Variants in SIPA1L3 observed in about 807,000 individuals in gnomAD.
SIPA1L3 encodes signal-induced proliferation-associated 1-like protein 3.
A neutral mutation model predicts 150.1 loss-of-function variants in SIPA1L3; 59 were observed. The observed-to-expected ratio is 0.39, with a 90% CI of 0.32 to 0.49. SIPA1L3 has a LOEUF of 0.49. Ranked by LOEUF, SIPA1L3 falls within the 20% of genes least tolerant of loss-of-function variation. SIPA1L3 has a pLI of 0.86. For synonymous variants in SIPA1L3, 1,070 were observed against 1,077.6 expected (o/e 0.99, Z 0.14); for missense variants, 2,211 against 2,489.5 (o/e 0.89, Z 2.38).
At chr19:38,045,330 A>T (rs1969030608) in intron 2 of SIPA1L3, among the ~76,000 whole-genome samples, 1 of 151,994 alleles carries the variant, frequency 6.6e-6, no homozygotes, top group African/African-American at 2.4e-5. Flanking sequence ...GTGAGCTGAG[A>T]TCATGCCACT....
At position 38,031,560 on chromosome 19, in the gene SIPA1L3, C is replaced by T. The variant is rs567497104; in HGVS notation, c.-311+2404C>T. On this transcript the variant is annotated intron_variant, in intron 2 of 21. Coordinates refer to ENST00000222345, the MANE Select transcript of SIPA1L3 (RefSeq NM_015073.3). ...ATTCATTATTTGGAACAGTGCCACA[C>T]AGGCAGCATGCCCTTCTCAGTGCGT... Among the ~76,000 whole-genome samples the T allele has an allele frequency of 5.3e-5, 8 of 152,346 alleles. No individual in the cohort carries two copies. In the East Asian group the frequency reaches 1.5e-3, roughly 29 times the overall value.
rs568333537 is a variant in SIPA1L3 at position 38,055,614 on chromosome 19, G to A, written c.-310-25642G>A. On this transcript the variant is annotated intron_variant, in intron 2 of 21. Coordinates refer to ENST00000222345, the MANE Select transcript of SIPA1L3 (RefSeq NM_015073.3). ...AGTATCCTGCCACCCCAACAAATGTGGACCTCTCTCAAGGAATCAGAAGAG... is the reference window on the plus strand; with the variant it reads ...AGTATCCTGCCACCCCAACAAATGTAGACCTCTCTCAAGGAATCAGAAGAG... Among the ~76,000 whole-genome samples the A allele has an allele frequency of 5.3e-5, 8 of 152,306 alleles. No individual in the cohort carries two copies. In the East Asian group the frequency reaches 1.5e-3, roughly 29 times the overall value.
chr19:38,192,407 G>A (rs1266623256), intron 17 of SIPA1L3, 97 bp downstream of exon 17: 13 of 1,167,662 alleles, frequency 1.1e-5, no homozygotes, highest in Admixed American at 8.6e-5. Flanking sequence ...CCACGGTCAC[G>A]CCAGCTCCTT....
chr19:38,128,303 C>A (rs1337129373), intron 9 of SIPA1L3, among the ~76,000 whole-genome samples: 2 of 152,018 alleles, frequency 1.3e-5, no homozygotes, highest in African/African-American at 4.8e-5. Context: ...CACAGTGTGC[C>A]TCAGTGAGTA....
chr19:38,102,775 T>C (rs1199975603), intron 6 of SIPA1L3, among the ~76,000 whole-genome samples: 2 of 149,878 alleles, frequency 1.3e-5, no homozygotes, highest in Non-Finnish European at 3.0e-5. Context: ...GAGACTGCAG[T>C]GAGCTATGAT....
intron 1 of SIPA1L3, among the ~76,000 whole-genome samples, chr19:37,957,274 C>T (rs1371186328): frequency 6.6e-6 from 1 of 152,190 alleles, no homozygotes; most frequent in East Asian, 1.9e-4. Context: ...CCTTTGCATA[C>T]TGACAAGTTT....
At chr19:37,959,283 A>G (rs2145569644) in intron 1 of SIPA1L3, among the ~76,000 whole-genome samples, 1 of 152,366 alleles carries the variant, frequency 6.6e-6, no homozygotes, top group African/African-American at 2.4e-5. Flanking sequence ...ATGTCCATCA[A>G]CTGATAATTG....
In SIPA1L3 at chr19:38,136,786, G is replaced by A. The variant is rs376788673; in HGVS notation, c.3144-4398G>A. Among the ~76,000 whole-genome samples the A allele has an allele frequency of 4.0e-4, 61 of 152,268 alleles. 1 individual carries two copies. The highest frequency in any genetic ancestry group is 1.4e-3 in the African/African-American group (59 of 41,552). ...TATTTGCTGAGCTCCTGATAATTTC[G>A]ATGATGATCATTTTCAGATCACTGG... On this transcript the variant is annotated intron_variant, in intron 10 of 21. Coordinates refer to ENST00000222345, the MANE Select transcript of SIPA1L3 (RefSeq NM_015073.3).
At chr19:38,153,082 G>T in intron 13 of SIPA1L3, 115 bp downstream of exon 13, 10 of 1,356,408 alleles carry the variant, frequency 7.4e-6, no homozygotes, top group Admixed American at 2.6e-5. Context: ...AAACACAAAA[G>T]AAAGCTGTAA....
intron 6 of SIPA1L3, among the ~76,000 whole-genome samples, chr19:38,103,084 T>G (rs1970543290): frequency 6.7e-6 from 1 of 149,788 alleles, no homozygotes; most frequent in Non-Finnish European, 1.5e-5. Flanking sequence ...GACCGCACCA[T>G]TGCACTCCAG....
chr19:38,138,602 C>CCCTAAT (rs1462742686), intron 10 of SIPA1L3, among the ~76,000 whole-genome samples: 2 of 21,096 alleles, frequency 9.5e-5, no homozygotes, highest in African/African-American at 1.9e-3. Flanking sequence ...AGGGGGTTTT[C>CCCTAAT]GAAACAGTTC....
intron 18 of SIPA1L3, 63 bp downstream of exon 18, chr19:38,193,843 C>T (rs980511408): frequency 3.3e-5 from 48 of 1,453,410 alleles, no homozygotes; most frequent in Non-Finnish European, 3.8e-5. Flanking sequence ...TGGGGATGCC[C>T]GAGCAGGGGC....
intron 2 of SIPA1L3, among the ~76,000 whole-genome samples, chr19:38,056,402 C>T (rs551432937): frequency 1.5e-4 from 23 of 152,298 alleles, no homozygotes; most frequent in Admixed American, 1.3e-3. Flanking sequence ...TCCTCCATCC[C>T]CCTCACCCAC....
intron 1 of SIPA1L3, among the ~76,000 whole-genome samples, chr19:37,950,659 G>A (rs912141504): frequency 3.2e-4 from 49 of 151,700 alleles, no homozygotes; most frequent in African/African-American, 2.9e-4. Flanking sequence ...TGAAGGCTGC[G>A]CGGGGCCCTT....
chr19:38,153,887 T>C (rs1315485241), intron 13 of SIPA1L3, among the ~76,000 whole-genome samples: 1 of 151,882 alleles, frequency 6.6e-6, no homozygotes, highest in Admixed American at 6.6e-5. Flanking sequence ...TGAGCCGAGA[T>C]CGAGTCACTG....
intron 16 of SIPA1L3, chr19:38,185,815 T>A (rs1183971317): frequency 1.3e-5 from 2 of 152,184 alleles, no homozygotes; most frequent in Non-Finnish European, 2.9e-5. Context: ...TTCACTTGAT[T>A]GCCTCTGTAA....
At chr19:38,108,141 C>G (rs1970661640) in intron 7 of SIPA1L3, among the ~76,000 whole-genome samples, 1 of 152,072 alleles carries the variant, frequency 6.6e-6, no homozygotes, top group South Asian at 2.1e-4. Context: ...CGTAGTGCCC[C>G]TGAATCAGGG....
At chr19:38,126,569 C>T (rs1278190562) in intron 9 of SIPA1L3, among the ~76,000 whole-genome samples, 3 of 151,276 alleles carry the variant, frequency 2.0e-5, no homozygotes, top group Admixed American at 6.6e-5. Flanking sequence ...GACAGTCTCT[C>T]TCTGTTGCCT....
chr19:38,093,731 C>T (rs865897795), intron 4 of SIPA1L3, among the ~76,000 whole-genome samples: 6 of 152,330 alleles, frequency 3.9e-5, no homozygotes, highest in South Asian at 2.1e-4. Context: ...TGGCCGTCCC[C>T]AGCCGCCAAG....
Sources: gnomAD v4.1 joint callset for allele counts (sites outside exome capture counted in the v4.1 genomes callset) on GRCh38, gnomAD v4.1.1 for gene constraint, MANE v1.5 for transcripts, NCBI Gene and HGNC (gene_info 2026-07-23, HGNC 2026-07-21) for gene names.